RPRD2: variants seen among roughly 807,000 people sequenced by gnomAD.
The protein encoded by RPRD2 is regulation of nuclear pre-mRNA domain containing 2.
Under a neutral mutation model 104.4 loss-of-function variants are expected in RPRD2, and 12 were observed. The ratio of observed to expected loss-of-function variants is 0.11; its 90% confidence interval spans 0.07 to 0.19. The LOEUF is 0.19. Among genes scored for constraint, RPRD2 ranks in the 10% least tolerant of loss-of-function variants. The probability of loss-of-function intolerance (pLI) is 1.00; values close to 1 mark genes in which losing one functional copy is unlikely to be tolerated. For synonymous variants in RPRD2, 714 were observed against 684.9 expected (o/e 1.04, Z -0.66); for missense variants, 1,543 against 1,790.1 (o/e 0.86, Z 2.49).
intron 1 of RPRD2, among the ~76,000 whole-genome samples, chr1:150,417,131 TAACCTTGGTATTTCTGCA>T (rs1220673866): frequency 6.6e-6 from 1 of 152,040 alleles, no homozygotes; most frequent in Non-Finnish European, 1.5e-5. Flanking sequence ...CTCTTTCTAC[TAACCTTGGTATTTCTGCA>T]ACAAGTTGAG....
chr1:150,458,845 T>C lies in RPRD2; in HGVS notation c.1154-1215T>C, dbSNP rs587679341. Among the ~76,000 whole-genome samples, 34 of 152,244 alleles carry C rather than the reference T, an allele frequency of 2.2e-4. 1 individual carries two copies. In the East Asian group the frequency reaches 4.5e-3, roughly 20 times the overall value. Reference sequence around the variant, plus strand: ...GTTTATTAGAGACGGAGTTTCACCATGTTGGGCAGGCTGGTCTCGAACTCC... The same window carrying C: ...GTTTATTAGAGACGGAGTTTCACCACGTTGGGCAGGCTGGTCTCGAACTCC... On this transcript the variant is annotated intron_variant, in intron 8 of 10. Transcript: ENST00000369068.
In RPRD2 at chr1:150,398,796, G is replaced by A. The variant is rs913302907; in HGVS notation, c.206-18800G>A. Among the ~76,000 whole-genome samples, 6 of 152,160 alleles carry A rather than the reference G, an allele frequency of 3.9e-5. No homozygotes were observed. The East Asian group carries it at 9.7e-4, about 25-fold the overall frequency. On this transcript the variant is annotated intron_variant, in intron 1 of 10. Coordinates refer to ENST00000369068, the MANE Select transcript of RPRD2 (RefSeq NM_015203.5). ...GACCTCAAGTGATCCACCCTCCTCA[G>A]CCTCCCAAAGTGCTGTGGTTACAGG...
At chr1:150,392,319 A>G (rs587675577) in intron 1 of RPRD2, among the ~76,000 whole-genome samples, 40 of 152,354 alleles carry the variant, frequency 2.6e-4, no homozygotes, top group East Asian at 5.8e-4. Context: ...AGTCTGGCCA[A>G]CATGGTGAAA....
At chr1:150,432,514 T>A (rs797032660) in intron 2 of RPRD2, among the ~76,000 whole-genome samples, 2 of 151,512 alleles carry the variant, frequency 1.3e-5, no homozygotes, top group South Asian at 2.1e-4. Context: ...ATTTTGGAAA[T>A]AGTAGTGAGA....
At chr1:150,446,673 G>A (rs1666793653) in intron 7 of RPRD2, among the ~76,000 whole-genome samples, 2 of 152,028 alleles carry the variant, frequency 1.3e-5, no homozygotes, top group African/African-American at 4.8e-5. Context: ...AATTATCTGA[G>A]TGTGATCTCA....
chr1:150,420,898 G>A (rs587649564), intron 2 of RPRD2, among the ~76,000 whole-genome samples: 2 of 152,274 alleles, frequency 1.3e-5, no homozygotes, highest in Admixed American at 6.5e-5. Flanking sequence ...TTACTTGCAG[G>A]TAATATAATT....
At chr1:150,441,169 A>C in intron 3 of RPRD2, 146 bp downstream of exon 3, 2 of 498,490 alleles carry the variant, frequency 4.0e-6, no homozygotes, top group Non-Finnish European at 7.0e-6. Context: ...ATTTATGAAA[A>C]ATCTAGATCT....
At chr1:150,371,305 A>G (rs782329859) in intron 1 of RPRD2, among the ~76,000 whole-genome samples, 3 of 152,206 alleles carry the variant, frequency 2.0e-5, no homozygotes, top group Non-Finnish European at 4.4e-5. Context: ...TCTTTTAATT[A>G]GGTATTATTA....
chr1:150,430,843 G>A (rs1490508608), intron 2 of RPRD2, among the ~76,000 whole-genome samples: 2 of 151,926 alleles, frequency 1.3e-5, no homozygotes, highest in African/African-American at 4.8e-5. Flanking sequence ...CGGGAAAATC[G>A]CTTGAACCGA....
chr1:150,428,553 C>G (rs934149931), intron 2 of RPRD2, among the ~76,000 whole-genome samples: 1 of 151,798 alleles, frequency 6.6e-6, no homozygotes, highest in Non-Finnish European at 1.5e-5. Flanking sequence ...TTGAGGTGAT[C>G]CTTCCTCCCT....
intron 1 of RPRD2, among the ~76,000 whole-genome samples, chr1:150,407,734 A>G (rs944445075): frequency 6.6e-6 from 1 of 152,216 alleles, no homozygotes; most frequent in Non-Finnish European, 1.5e-5. Flanking sequence ...ATCTTTTTAA[A>G]GAGAAGATGT....
chr1:150,465,982 C>T (rs1553899843), intron 10 of RPRD2, among the ~76,000 whole-genome samples: 1 of 141,116 alleles, frequency 7.1e-6, no homozygotes, highest in Non-Finnish European at 1.5e-5. Flanking sequence ...TACTGCACTC[C>T]AGCCTGGACG....
At chr1:150,447,244 C>G (rs1241978243) in intron 7 of RPRD2, among the ~76,000 whole-genome samples, 3 of 151,926 alleles carry the variant, frequency 2.0e-5, no homozygotes, top group Non-Finnish European at 2.9e-5. Flanking sequence ...GTGTGAGCCA[C>G]CGTCCCTGGC....
chr1:150,446,482 G>T, intron 7 of RPRD2, 81 bp downstream of exon 7: 1 of 1,196,236 alleles, frequency 8.4e-7, no homozygotes, highest in Non-Finnish European at 1.2e-6. Context: ...ATCTAACTCT[G>T]TTAGGATATG....
At chr1:150,385,902 C>T (rs1661527599) in intron 1 of RPRD2, among the ~76,000 whole-genome samples, 1 of 152,076 alleles carries the variant, frequency 6.6e-6, no homozygotes, top group African/African-American at 2.4e-5. Context: ...GGTGCATATT[C>T]TCAATCTTTT....
chr1:150,379,106 C>T (rs1660933363), intron 1 of RPRD2, among the ~76,000 whole-genome samples: 2 of 146,486 alleles, frequency 1.4e-5, no homozygotes, highest in South Asian at 4.4e-4. Context: ...CATGGCGAAA[C>T]CCTGTGTCTA....
chr1:150,395,193 T>C (rs188907033), intron 1 of RPRD2, among the ~76,000 whole-genome samples: 1 of 152,306 alleles, frequency 6.6e-6, no homozygotes, highest in East Asian at 1.9e-4. Flanking sequence ...GTCCACTGTG[T>C]CTTCCTTATG....
intron 5 of RPRD2, 107 bp downstream of exon 5, chr1:150,443,390 A>G: frequency 1.2e-6 from 1 of 844,044 alleles, no homozygotes; most frequent in South Asian, 1.7e-5. Flanking sequence ...TACACATGTC[A>G]TGTTTTAAAC....
chr1:150,425,639 G>A (rs1665071767), intron 2 of RPRD2, among the ~76,000 whole-genome samples: 2 of 140,682 alleles, frequency 1.4e-5, no homozygotes, highest in South Asian at 2.1e-4. Flanking sequence ...ACAAAACTCC[G>A]TCTCAAAAAA....
Sources: allele counts gnomAD v4.1 joint callset (sites outside exome capture counted in the v4.1 genomes callset), GRCh38; gene constraint gnomAD v4.1.1; transcripts MANE v1.5; gene names NCBI Gene and HGNC (gene_info 2026-07-23, HGNC 2026-07-21).